The following CLVS1 variants were observed in gnomAD, a reference collection of about 807,000 sequenced individuals.
CLVS1 encodes the protein clavesin 1, also known as clavesin-1.
Under a neutral mutation model 33.1 loss-of-function variants are expected in CLVS1, and 10 were observed. The ratio of observed to expected loss-of-function variants is 0.30; its 90% CI spans 0.19 to 0.51. The LOEUF (loss-of-function observed/expected upper bound fraction) is 0.51. Among genes scored for constraint, CLVS1 ranks in the 20% least tolerant of loss-of-function variants. The pLI is 0.97. For synonymous variants in CLVS1, 163 were observed against 166.1 expected (o/e 0.98, Z 0.14); for missense variants, 343 against 433.4 (o/e 0.79, Z 1.85).
intron 1 of CLVS1, among the ~76,000 whole-genome samples, chr8:61,089,450 C>T (rs988371040): frequency 1.9e-4 from 29 of 152,166 alleles, no homozygotes; most frequent in African/African-American, 6.8e-4. Flanking sequence ...ACCCTGCTGA[C>T]CACACATGCT....
At chr8:61,139,995 C>A (rs572628888) in intron 2 of CLVS1, among the ~76,000 whole-genome samples, 11 of 152,118 alleles carry the variant, frequency 7.2e-5, no homozygotes, top group Non-Finnish European at 1.2e-4. Context: ...TGGCCCTCAG[C>A]GGAGCTCTTG....
intron 1 of CLVS1, among the ~76,000 whole-genome samples, chr8:61,115,017 G>GT (rs1434493712): frequency 4.6e-5 from 7 of 152,166 alleles, no homozygotes; most frequent in African/African-American, 1.4e-4. Context: ...CTGGACTTTT[G>GT]TAAGTTCCAA....
rs1228908020 is a variant in CLVS1 at position 61,478,671 on chromosome 8, T to C, written c.977+20129T>C. 7.2e-5 allele frequency among the ~76,000 whole-genome samples: 11 copies of C among 152,228 alleles called. No homozygotes were observed. The East Asian group carries it at 2.1e-3, about 29-fold the overall frequency. On this transcript the variant is annotated intron_variant, in intron 5 of 5. Coordinates refer to ENST00000325897, the MANE Select transcript of CLVS1 (RefSeq NM_173519.3). ...CTTTTTTTGTTTTCCATTTGCTTAG[T>C]AGATCTTCCTCCAGCCCTTTATTTT...
intron 1 of CLVS1, among the ~76,000 whole-genome samples, chr8:61,121,730 ACAG>A (rs1459985022): frequency 9.2e-5 from 14 of 152,192 alleles, no homozygotes; most frequent in African/African-American, 3.1e-4. Context: ...ATACACAAAA[ACAG>A]CAGGACAGTT....
chr8:61,493,640 T>A (rs2640239), intron 5 of CLVS1, among the ~76,000 whole-genome samples: 109,495 of 152,108 alleles, frequency 0.72, 41,916 homozygotes, highest in Non-Finnish European at 0.86. Context: ...GGGGGAAAAA[T>A]CTGAGCAGAA....
At chr8:61,273,599 A>G (rs1291853060) in intron 2 of CLVS1, among the ~76,000 whole-genome samples, 5 of 151,998 alleles carry the variant, frequency 3.3e-5, no homozygotes, top group Admixed American at 1.3e-4. Flanking sequence ...CCTTGCTGCC[A>G]CCTTGCAGTT....
intron 5 of CLVS1, among the ~76,000 whole-genome samples, chr8:61,492,951 T>C (rs890707422): frequency 7.9e-5 from 12 of 152,180 alleles, no homozygotes; most frequent in African/African-American, 2.9e-4. Context: ...CTACAAATAT[T>C]CCTTAAGACT....
chr8:61,204,301 C>T (rs561018665), intron 2 of CLVS1, among the ~76,000 whole-genome samples: 55 of 152,262 alleles, frequency 3.6e-4, no homozygotes, highest in Non-Finnish European at 6.5e-4. Context: ...TGCCTATGTT[C>T]TTGGGCAAAG....
chr8:61,441,894 A>G (rs1816563852), intron 3 of CLVS1, among the ~76,000 whole-genome samples: 1 of 152,198 alleles, frequency 6.6e-6, no homozygotes, highest in South Asian at 2.1e-4. Flanking sequence ...GAAAATCAAG[A>G]GATTCTGAGA....
intron 2 of CLVS1, among the ~76,000 whole-genome samples, chr8:61,311,212 G>T (rs1429027021): frequency 1.3e-5 from 2 of 152,228 alleles, no homozygotes; most frequent in Admixed American, 1.3e-4. Flanking sequence ...GAAGTTAGGA[G>T]AGTTTATAAT....
At chr8:61,217,312 G>A (rs770801214) in intron 2 of CLVS1, among the ~76,000 whole-genome samples, 23 of 152,134 alleles carry the variant, frequency 1.5e-4, no homozygotes, top group Non-Finnish European at 2.9e-4. Flanking sequence ...AAATGAAAGG[G>A]GCTATAGTGC....
At chr8:61,003,277 TAAAAGA>T in the CLVS1 span, among the ~76,000 whole-genome samples, 1 of 152,070 alleles carries the variant, frequency 6.6e-6, no homozygotes, top group East Asian at 1.9e-4. Flanking sequence ...TTTTTTGACT[TAAAAGA>T]AAAAGTATGG....
intron 2 of CLVS1, among the ~76,000 whole-genome samples, chr8:61,356,871 G>C (rs1249013764): frequency 4.6e-5 from 7 of 152,224 alleles, no homozygotes; most frequent in South Asian, 4.2e-4. Flanking sequence ...TTGTTCTTTT[G>C]GCTTGGGATT....
intron 5 of CLVS1, among the ~76,000 whole-genome samples, chr8:61,467,054 T>A (rs1049486796): frequency 6.6e-6 from 1 of 152,204 alleles, no homozygotes; most frequent in Non-Finnish European, 1.5e-5. Context: ...TATATGTATC[T>A]GTATGTATAC....
At chr8:61,367,748 A>G (rs902659969) in intron 2 of CLVS1, among the ~76,000 whole-genome samples, 2 of 152,246 alleles carry the variant, frequency 1.3e-5, no homozygotes, top group Non-Finnish European at 2.9e-5. Context: ...AACCTTACAT[A>G]GGACAGCTGG....
intron 1 of CLVS1, among the ~76,000 whole-genome samples, chr8:61,074,798 T>C (rs1365374023): frequency 1.3e-5 from 2 of 152,044 alleles, no homozygotes; most frequent in Non-Finnish European, 2.9e-5. Context: ...AAAACAAAGA[T>C]GAATATAAAG....
At chr8:61,154,896 CAG>C (rs1487848904) in intron 2 of CLVS1, among the ~76,000 whole-genome samples, 3 of 152,100 alleles carry the variant, frequency 2.0e-5, no homozygotes, top group Non-Finnish European at 4.4e-5. Context: ...ATGTGAAAAA[CAG>C]AGAAAGCATG....
At chr8:61,043,748 C>T in the CLVS1 span, among the ~76,000 whole-genome samples, 2 of 152,132 alleles carry the variant, frequency 1.3e-5, no homozygotes, top group African/African-American at 4.8e-5. Context: ...GAACATTGTT[C>T]CACTAATGAT....
At chr8:60,990,174 A>G in the CLVS1 span, among the ~76,000 whole-genome samples, 1 of 149,840 alleles carries the variant, frequency 6.7e-6, no homozygotes, top group Non-Finnish European at 1.5e-5. Flanking sequence ...AAACGATGGA[A>G]TGAGAGAGAA....
Sources: gnomAD v4.1 joint callset for allele counts (sites outside exome capture counted in the v4.1 genomes callset) on GRCh38, gnomAD v4.1.1 for gene constraint, MANE v1.5 for transcripts, NCBI Gene and HGNC (gene_info 2026-07-23, HGNC 2026-07-21) for gene names.